Variants in CHST1 observed in about 807,000 individuals in gnomAD.
CHST1 encodes Keratan sulfotransferase.
In CHST1, 10 loss-of-function variants were observed where a neutral mutation model predicts 22.5. That is an observed-to-expected ratio of 0.44 (90% CI 0.27 to 0.75). The LOEUF (loss-of-function observed/expected upper bound fraction) is 0.75. Ranked by LOEUF, CHST1 falls within the 30% of genes least tolerant of loss-of-function variation. The pLI is 0.15. For missense variants in CHST1, 439 were observed against 576.1 expected, an observed-to-expected ratio of 0.76 and a Z score of 2.44; for synonymous variants, 267 against 264.5, an observed-to-expected ratio of 1.01 and a Z score of -0.09.
chr11:45,660,881 A>G (rs779850079), intron 1 of CHST1, among the ~76,000 whole-genome samples: 6 of 152,222 alleles, frequency 3.9e-5, no homozygotes, highest in Non-Finnish European at 7.3e-5. Context: ...CCCATCCCTG[A>G]GAAGGAGACA....
rs1237283398 is a variant in CHST1 at position 45,650,021 on chromosome 11, G to A, written c.903C>T (p.Arg301=). 5 of 1,613,924 alleles carry A rather than the reference G, an allele frequency of 3.1e-6. No individual in the cohort carries two copies. Among genetic ancestry groups the A allele is most frequent in the Admixed American group, 3.3e-5 (2 of 60,008 alleles). ...TAGGGTTCCGAGCCAGGTCCTCGTA[G>A]CGCACCAACATGTACTTGCCCTTGA... ...PWLKGKYMLV[R]YEDLARNPMK... Residue 301 remains arginine (R), a synonymous_variant, in exon 4 of 4, where the codon CGC becomes CGT. Coordinates refer to ENST00000308064, the MANE Select transcript of CHST1 (RefSeq NM_003654.6).
At chr11:45,658,772 C>G (rs1003607963) in intron 1 of CHST1, among the ~76,000 whole-genome samples, 1 of 152,110 alleles carries the variant, frequency 6.6e-6, no homozygotes, top group Non-Finnish European at 1.5e-5. Flanking sequence ...CGACACTGGG[C>G]GGAAAAGCCC....
Position 45,647,887 on chromosome 11 carries a change from C to T in CHST1, c.*1801G>A, listed in dbSNP as rs1209292164. On this transcript the variant is annotated 3_prime_UTR_variant, in exon 4 of 4. Coordinates refer to ENST00000308064, the MANE Select transcript of CHST1 (RefSeq NM_003654.6). Reference sequence around the variant, plus strand: ...ATCCTCCTGACACATATAAAATAGCCCAGGACTGTGTTTCCTCAGGAAGCC... The same window carrying T: ...ATCCTCCTGACACATATAAAATAGCTCAGGACTGTGTTTCCTCAGGAAGCC... Among the ~76,000 whole-genome samples, 3 of 152,160 alleles carry T rather than the reference C, an allele frequency of 2.0e-5. No individual in the cohort carries two copies. Among genetic ancestry groups the T allele is most frequent in the Non-Finnish European group, 4.4e-5 (3 of 68,032 alleles).
chr11:45,655,482 T>C (rs1464041264), intron 1 of CHST1, among the ~76,000 whole-genome samples: 1 of 152,210 alleles, frequency 6.6e-6, no homozygotes, highest in Non-Finnish European at 1.5e-5. Flanking sequence ...TCATCGCTGC[T>C]GTATTCAGAA....
In CHST1 at chr11:45,648,930, A is replaced by G. The variant is rs184382371; in HGVS notation, c.*758T>C. ...ACACAGATAAAGCATTTCAATTTCA[A>G]TGTTCATTTAGCAAACTGATCCACT... On this transcript the variant is annotated 3_prime_UTR_variant, in exon 4 of 4. Coordinates refer to ENST00000308064, the MANE Select transcript of CHST1 (RefSeq NM_003654.6). 426 of 152,728 alleles carry G rather than the reference A, an allele frequency of 2.8e-3. 1 individual carries two copies. The highest frequency in any genetic ancestry group is 4.7e-3 in the Non-Finnish European group (323 of 68,032). The allele number at this position is 152,728 out of a possible 1,614,324, so 9.5% of individuals were successfully genotyped here. A position where few individuals can be genotyped will look rare whatever the true frequency, so the allele number is the denominator to read the frequency against.
At chr11:45,658,076 C>T (rs1391721011) in intron 1 of CHST1, among the ~76,000 whole-genome samples, 4 of 152,202 alleles carry the variant, frequency 2.6e-5, no homozygotes, top group Non-Finnish European at 4.4e-5. Flanking sequence ...CTCAAGCCTC[C>T]TGGAGAAGGT....
rs1453906833 is a variant in CHST1 at position 45,647,998 on chromosome 11, C to T, written c.*1690G>A. ...GGACAACAAAGCTGTGACCTGCAGCCACCCCAGGGGCAGGTTTTCTTGGAA... is the reference window on the plus strand; with the variant it reads ...GGACAACAAAGCTGTGACCTGCAGCTACCCCAGGGGCAGGTTTTCTTGGAA... On this transcript the variant is annotated 3_prime_UTR_variant, in exon 4 of 4. Coordinates refer to ENST00000308064, the MANE Select transcript of CHST1 (RefSeq NM_003654.6). Among the ~76,000 whole-genome samples the T allele has an allele frequency of 6.6e-6, 1 of 152,184 alleles. No individual in the cohort carries two copies. Among genetic ancestry groups the T allele is most frequent in the African/African-American group, 2.4e-5 (1 of 41,440 alleles).
In CHST1 at chr11:45,648,995, G is replaced by C. The variant is rs749823645; in HGVS notation, c.*693C>G. 1.3e-5 allele frequency: 2 copies of C among 151,884 alleles called. No individual in the cohort carries two copies. The highest frequency in any genetic ancestry group is 2.9e-5 in the Non-Finnish European group (2 of 67,950). The allele number at this position is 151,884 out of a possible 1,614,324, so 9.4% of individuals were successfully genotyped here. A position where few individuals can be genotyped will look rare whatever the true frequency, so the allele number is the denominator to read the frequency against. On this transcript the variant is annotated 3_prime_UTR_variant, in exon 4 of 4. Coordinates refer to ENST00000308064, the MANE Select transcript of CHST1 (RefSeq NM_003654.6). ...TTGGCACAAAGAAATATCACAGATG[G>C]ACCCCGAGATCAATCAGAAGCTCAT...
intron 1 of CHST1, among the ~76,000 whole-genome samples, chr11:45,663,328 T>C (rs1852157435): frequency 6.6e-6 from 1 of 152,092 alleles, no homozygotes. Flanking sequence ...AGCACCACCC[T>C]TGCCCAGGAG....
intron 3 of CHST1, chr11:45,651,297 G>A (rs1055389764): frequency 1.2e-4 from 22 of 179,486 alleles, no homozygotes; most frequent in African/African-American, 4.9e-4. Flanking sequence ...AGGAAATGAC[G>A]AGGGCCTGCC....
intron 2 of CHST1, among the ~76,000 whole-genome samples, chr11:45,652,304 G>A (rs1463317275): frequency 6.6e-6 from 1 of 152,162 alleles, no homozygotes; most frequent in Non-Finnish European, 1.5e-5. Flanking sequence ...CTGAGTCCTG[G>A]ACTGTATCCC....
Position 45,649,024 on chromosome 11 carries a change from A to C in CHST1, c.*664T>G, listed in dbSNP as rs570014923. The C allele has an allele frequency of 6.6e-6, 1 of 152,308 alleles. No homozygotes were observed. Among genetic ancestry groups the C allele is most frequent in the African/African-American group, 2.4e-5 (1 of 41,400 alleles). 9.4% of individuals were successfully genotyped at this position (152,308 alleles called of 1,614,324 possible). ...CCGAGATCAATCAGAAGCTCATAAG[A>C]TTCATCAGTCATCACTGGTCCAGGG... is the stretch of plus-strand genomic sequence containing the variant. On this transcript the variant is annotated 3_prime_UTR_variant, in exon 4 of 4. Coordinates refer to ENST00000308064, the MANE Select transcript of CHST1 (RefSeq NM_003654.6).
chr11:45,651,233 T>G, intron 3 of CHST1: 1 of 254,236 alleles, frequency 3.9e-6, no homozygotes. Flanking sequence ...GAGCTCTGAG[T>G]TCCTTAGAGG....
Position 45,649,945 on chromosome 11 carries a change from G to A in CHST1, c.979C>T (p.His327Tyr), listed in dbSNP as rs1236105896. Residue 327 changes from histidine to tyrosine, a missense_variant, in exon 4 of 4, where the codon CAC becomes TAC. His to Tyr is a moderately conservative substitution (Grantham distance 83, BLOSUM62 2). Coordinates refer to ENST00000308064, the MANE Select transcript of CHST1 (RefSeq NM_003654.6). ...YGFLGIPLDS[H>Y]VARWIQNNTR... The stretch of plus-strand genomic sequence containing the variant: ...TTGTTCTGGATCCAGCGGGCCACGT[G>A]GCTGTCCAGCGGGATGCCCAGGAAC... The A allele has an allele frequency of 2.5e-6, 4 of 1,613,428 alleles. No individual in the cohort carries two copies. Among genetic ancestry groups the A allele is most frequent in the Non-Finnish European group, 3.4e-6 (4 of 1,180,024 alleles).
At chr11:45,664,082 G>A (rs753353914) in intron 1 of CHST1, among the ~76,000 whole-genome samples, 10 of 152,170 alleles carry the variant, frequency 6.6e-5, no homozygotes, top group Admixed American at 5.2e-4. Context: ...TGGCCCACTC[G>A]TTCCCACCTG....
Position 45,650,291 on chromosome 11 carries a change from G to C in CHST1, c.633C>G (p.Pro211=), listed in dbSNP as rs898108901. 1.9e-6 allele frequency: 3 copies of C among 1,605,362 alleles called. No individual in the cohort carries two copies. The African/African-American group carries it at 4.0e-5, about 21-fold the overall frequency. Residue 211 remains proline (P), a synonymous_variant, in exon 4 of 4, where the codon CCC becomes CCG. Coordinates refer to ENST00000308064, the MANE Select transcript of CHST1 (RefSeq NM_003654.6). The stretch of plus-strand genomic sequence containing the variant: ...CCAGGGCGCGCAGGTCGTTCACCTC[G>C]GGCACGCGCACCGTCTTGATGGCCA... ...SHVAIKTVRV[P]EVNDLRALVE...
intron 1 of CHST1, among the ~76,000 whole-genome samples, chr11:45,656,385 A>G (rs1456978805): frequency 6.6e-6 from 1 of 152,214 alleles, no homozygotes; most frequent in African/African-American, 2.4e-5. Context: ...CCCAGCATAT[A>G]TAAGTTTCAA....
chr11:45,661,918 CTGG>C (rs1378777666), intron 1 of CHST1, among the ~76,000 whole-genome samples: 2 of 152,152 alleles, frequency 1.3e-5, no homozygotes, highest in African/African-American at 4.8e-5. Context: ...GAGGCAGGCA[CTGG>C]GGCGGGGAGC....
Position 45,649,613 on chromosome 11 carries a change from A to C in CHST1, c.*75T>G. 1 of 1,430,542 alleles carries C rather than the reference A, an allele frequency of 7.0e-7. No individual in the cohort carries two copies. The highest frequency in any genetic ancestry group is 1.4e-5 in the South Asian group (1 of 73,546). The allele number at this position is 1,430,542 out of a possible 1,614,324, so 88.6% of individuals were successfully genotyped here. On this transcript the variant is annotated 3_prime_UTR_variant, in exon 4 of 4. Coordinates refer to ENST00000308064, the MANE Select transcript of CHST1 (RefSeq NM_003654.6). ...GAGGTGGGAGAGGGAGGGGTTAATA[A>C]GGCAACAGTTAAAAACGGTCCATTT...
Sources: allele counts gnomAD v4.1 joint callset (sites outside exome capture counted in the v4.1 genomes callset), GRCh38; gene constraint gnomAD v4.1.1; transcripts MANE v1.5; gene names NCBI Gene and HGNC (gene_info 2026-07-23, HGNC 2026-07-21).